The following KNTC1 variants were observed in gnomAD, a reference collection of about 807,000 sequenced individuals.
KNTC1 encodes the protein kinetochore-associated protein 1.
In KNTC1, 253 loss-of-function variants were observed where a neutral mutation model predicts 314.4. That is an observed-to-expected ratio of 0.80 (90% confidence interval 0.73 to 0.89). KNTC1 has a LOEUF of 0.89. Among genes scored for constraint, KNTC1 ranks in the 40% least tolerant of loss-of-function variants. The pLI is 0.00. For missense variants in KNTC1, 2,475 were observed against 2,572.9 expected (o/e 0.96, Z 0.82); for synonymous variants, 901 against 901.4 (o/e 1.00, Z 0.01).
At position 122,604,555 on chromosome 12, in the gene KNTC1, T is replaced by G; in HGVS notation, c.5102-9T>G. The G allele has an allele frequency of 7.5e-7, 1 of 1,325,432 alleles. No individual in the cohort carries two copies. Among genetic ancestry groups the G allele is most frequent in the East Asian group, 2.3e-5 (1 of 42,632 alleles). The allele number at this position is 1,325,432 out of a possible 1,614,324, so 82.1% of individuals were successfully genotyped here. A position where few individuals can be genotyped will look rare whatever the true frequency, so the allele number is the denominator to read the frequency against. ...AATCTTTATTTATTTATTTATTTAT[T>G]TATTTTAGGTTCCTTCAAGATATCT... On this transcript the variant is annotated splice_polypyrimidine_tract_variant and intron_variant, in intron 48 of 63. Coordinates refer to ENST00000333479, the MANE Select transcript of KNTC1 (RefSeq NM_014708.6).
At chr12:122,548,967 CAAAA>C (rs374255193) in intron 12 of KNTC1, among the ~76,000 whole-genome samples, 1 of 151,852 alleles carries the variant, frequency 6.6e-6, no homozygotes, top group Non-Finnish European at 1.5e-5. Flanking sequence ...AACTCCATCT[CAAAA>C]AAAGTAAAAT....
chr12:122,557,562 A>G (rs1447026872), intron 17 of KNTC1, 38 bp from the exon 18 acceptor site: 1 of 1,611,738 alleles, frequency 6.2e-7, no homozygotes, highest in African/African-American at 1.3e-5. Flanking sequence ...GTTGATCAAC[A>G]TTAGGTTGCC....
At chr12:122,580,472 A>T in intron 32 of KNTC1, 131 bp from the exon 33 acceptor site, 2 of 601,596 alleles carry the variant, frequency 3.3e-6, no homozygotes, top group Non-Finnish European at 5.9e-6. Flanking sequence ...GTTACTGTAT[A>T]TTATCATTTG....
intron 44 of KNTC1, among the ~76,000 whole-genome samples, 170 bp downstream of exon 44, chr12:122,598,108 T>G (rs1291322615): frequency 2.0e-5 from 3 of 152,234 alleles, no homozygotes; most frequent in Non-Finnish European, 4.4e-5. Context: ...AATTTTCCCA[T>G]TTTTCAAAAT....
At chr12:122,535,685 A>ATAG (rs1419969602) in intron 3 of KNTC1, among the ~76,000 whole-genome samples, 1 of 151,318 alleles carries the variant, frequency 6.6e-6, no homozygotes, top group East Asian at 2.0e-4. Context: ...GCATGGTGGC[A>ATAG]TACACCTGTA....
rs187465997 is a variant in KNTC1, at chr12:122,602,925, T to A, written c.4884+38T>A. On this transcript the variant is annotated intron_variant, in intron 47 of 63. Transcript: ENST00000333479. ...AACATTGTAAGACATTTCTGTATCC[T>A]GCAATTAATTCTGACCCCGTATAGA... 1.7e-4 allele frequency: 258 copies of A among 1,558,042 alleles called. No homozygotes were observed. In the African/African-American group the frequency reaches 2.9e-3, roughly 17 times the overall value.
Position 122,539,698 on chromosome 12 carries a change from A to G in KNTC1, c.389A>G (p.Asp130Gly), listed in dbSNP as rs1404757658. Residue 130 changes from aspartate to glycine, a missense_variant, in exon 5 of 64, where the codon GAT becomes GGT. Physicochemically the swap from Asp to Gly is moderately conservative, Grantham distance 94. Coordinates refer to ENST00000333479, the MANE Select transcript of KNTC1 (RefSeq NM_014708.6). ...LTNAFVQKAN[D>G]ENRRTYQNLV... ...TAGGCATTTGTTCAGAAAGCTAACGATGAAAATCGGCGGACTTACCAGAAT... is the reference window on the plus strand; with the variant it reads ...TAGGCATTTGTTCAGAAAGCTAACGGTGAAAATCGGCGGACTTACCAGAAT... The G allele has an allele frequency of 6.3e-7, 1 of 1,580,360 alleles. No homozygotes were observed. Among genetic ancestry groups the G allele is most frequent in the Admixed American group, 1.8e-5 (1 of 55,798 alleles).
chr12:122,620,465 G>A lies in KNTC1; in HGVS notation c.6150-14G>A, dbSNP rs1470552575. ...TCTGCCAGATTATTAACTAATTAAT[G>A]TTCTCTCTCGAAGATGTCCAGTCTC... On this transcript the variant is annotated splice_polypyrimidine_tract_variant and intron_variant, in intron 59 of 63. Transcript: ENST00000333479. 10 of 1,608,378 alleles carry A rather than the reference G, an allele frequency of 6.2e-6. No homozygotes were observed. Among genetic ancestry groups the A allele is most frequent in the South Asian group, 1.1e-5 (1 of 90,366 alleles).
rs980166735 is a variant in KNTC1, at chr12:122,584,296, C to T, written c.3282C>T (p.His1094=). The T allele has an allele frequency of 6.2e-7, 1 of 1,612,528 alleles. No homozygotes were observed. Among genetic ancestry groups the T allele is most frequent in the Non-Finnish European group, 8.5e-7 (1 of 1,179,074 alleles). ...LKKCSDLFKY[H]CNADTGKLLF... Reference sequence around the variant, plus strand: ...TCCAAAGCGACTTGTTTAAGTATCACTGCAATGCTGACACTGGGAAATTGC... The same window carrying T: ...TCCAAAGCGACTTGTTTAAGTATCATTGCAATGCTGACACTGGGAAATTGC... The change falls in exon 35 of 64, where the codon CAC becomes CAT. Residue 1094 remains histidine (H), a synonymous_variant. Transcript: ENST00000333479.
Position 122,605,046 on chromosome 12 carries a change from T to G in KNTC1, c.5345T>G (p.Ile1782Ser). The G allele has an allele frequency of 3.1e-6, 5 of 1,612,894 alleles. No individual in the cohort carries two copies. Among genetic ancestry groups the G allele is most frequent in the Non-Finnish European group, 4.2e-6 (5 of 1,179,530 alleles). Residue 1782 changes from isoleucine to serine, a missense_variant, in exon 50 of 64, where the codon ATC becomes AGC. Ile to Ser is a moderately radical substitution (Grantham distance 142, BLOSUM62 -2). Transcript: ENST00000333479. The part of the protein sequence containing the change: ...LIVSLYEHPS[I>S]NQRIQNSSGT... ...GTCAGTCTCTACGAACATCCTAGCA[T>G]CAATCAAAGAATTCAGAATTCATCT...
intron 53 of KNTC1, chr12:122,611,446 C>CT (rs1566015664): frequency 6.6e-6 from 1 of 152,418 alleles, no homozygotes; most frequent in African/African-American, 2.4e-5. Flanking sequence ...AAAAGGAAGT[C>CT]TGAGGTGCTG....
intron 29 of KNTC1, among the ~76,000 whole-genome samples, chr12:122,576,174 C>G (rs1965005362): frequency 6.6e-6 from 1 of 152,146 alleles, no homozygotes; most frequent in Non-Finnish European, 1.5e-5. Flanking sequence ...ATTTTCCTGC[C>G]TCAGCCTCCT....
intron 5 of KNTC1, among the ~76,000 whole-genome samples, chr12:122,541,478 C>T (rs1447237942): frequency 6.6e-6 from 1 of 151,564 alleles, no homozygotes; most frequent in Non-Finnish European, 1.5e-5. Flanking sequence ...TCCTGAGTAG[C>T]TGGGACTACA....
intron 43 of KNTC1, chr12:122,597,146 C>T (rs1165212460): frequency 6.6e-6 from 1 of 151,452 alleles, no homozygotes; most frequent in Admixed American, 6.6e-5. Flanking sequence ...GTAAATGTTG[C>T]ATTTTTATAC....
intron 10 of KNTC1, 42 bp from the exon 11 acceptor site, chr12:122,547,373 C>G (rs765617466): frequency 1.1e-5 from 14 of 1,302,652 alleles, no homozygotes; most frequent in Non-Finnish European, 1.5e-5. Flanking sequence ...AAAACTCTGT[C>G]TCAAAAAAAA....
intron 3 of KNTC1, among the ~76,000 whole-genome samples, chr12:122,535,657 A>G (rs1961740148): frequency 6.6e-6 from 1 of 151,202 alleles, no homozygotes; most frequent in Admixed American, 6.6e-5. Flanking sequence ...AACAACAACA[A>G]CAACAAAAAT....
chr12:122,560,929 A>T (rs537168879), intron 18 of KNTC1, among the ~76,000 whole-genome samples: 4 of 152,290 alleles, frequency 2.6e-5, no homozygotes, highest in African/African-American at 9.6e-5. Context: ...AGTGGCTGTA[A>T]TCCCTCCACT....
chr12:122,616,103 T>C (rs1258544179), intron 57 of KNTC1, among the ~76,000 whole-genome samples: 1 of 152,126 alleles, frequency 6.6e-6, no homozygotes, highest in Non-Finnish European at 1.5e-5. Context: ...ATAATCATAA[T>C]ATATATTACG....
At chr12:122,549,226 T>C (rs1963016580) in intron 12 of KNTC1, among the ~76,000 whole-genome samples, 1 of 151,736 alleles carries the variant, frequency 6.6e-6, no homozygotes, top group Non-Finnish European at 1.5e-5. Flanking sequence ...GCTAATTATT[T>C]TGGTATTTTT....
Sources: allele counts gnomAD v4.1 joint callset (sites outside exome capture counted in the v4.1 genomes callset), GRCh38; gene constraint gnomAD v4.1.1; transcripts MANE v1.5; gene names NCBI Gene and HGNC (gene_info 2026-07-23, HGNC 2026-07-21).